POLR1A: variants seen among roughly 807,000 people sequenced by gnomAD.
The protein encoded by POLR1A is DNA-directed RNA polymerase I subunit RPA1.
In POLR1A, 84 loss-of-function variants were observed where a neutral mutation model predicts 205.3. That is an observed-to-expected ratio of 0.41 (90% CI 0.34 to 0.49). POLR1A has a LOEUF of 0.49. Among genes scored for constraint, POLR1A ranks in the 20% least tolerant of loss-of-function variants. The probability of loss-of-function intolerance (pLI) is 0.22; values close to 1 mark genes in which losing one functional copy is unlikely to be tolerated. For synonymous variants in POLR1A, 799 were observed against 863.7 expected (o/e 0.93, Z 1.31); for missense variants, 1,645 against 2,204.5 (o/e 0.75, Z 5.08).
Position 86,027,530 on chromosome 2 carries a change from G to C in POLR1A, c.5063-7C>G. 1 of 1,611,726 alleles carries C rather than the reference G, an allele frequency of 6.2e-7. No individual in the cohort carries two copies. On this transcript the variant is annotated splice_region_variant and splice_polypyrimidine_tract_variant and intron_variant, in intron 33 of 33. Transcript: ENST00000263857. Reference sequence around the variant, plus strand: ...CTCAGCTCATCGTGGGATCCTGACAGAGACACAAAAACATGTGTCAGGGTG... The same window carrying C: ...CTCAGCTCATCGTGGGATCCTGACACAGACACAAAAACATGTGTCAGGGTG...
rs138700815 is a variant in POLR1A at position 86,078,092 on chromosome 2, G to A, written c.1257+22C>T. The A allele has an allele frequency of 4.2e-5, 67 of 1,612,700 alleles. No homozygotes were observed. In the African/African-American group the frequency reaches 7.9e-4, roughly 19 times the overall value. ...TTATTTATCTTCTGTAGCTAGCAAT[G>A]GGAATCCAGTTTTTTGCTCACCTGC... On this transcript the variant is annotated intron_variant, in intron 10 of 33. Coordinates refer to ENST00000263857, the MANE Select transcript of POLR1A (RefSeq NM_015425.6).
chr2:86,094,420 T>A (rs79857088), intron 3 of POLR1A, among the ~76,000 whole-genome samples: 2,001 of 152,318 alleles, frequency 0.013, 18 homozygotes, highest in Non-Finnish European at 0.022. Context: ...CCTTTGGACA[T>A]GTCCAATCGT....
At position 86,083,150 on chromosome 2, in the gene POLR1A, A is replaced by T; in HGVS notation, c.749T>A (p.Ile250Lys). 6.2e-7 allele frequency: 1 copy of T among 1,613,666 alleles called. No homozygotes were observed. The highest frequency in any genetic ancestry group is 8.5e-7 in the Non-Finnish European group (1 of 1,179,600). Reference protein sequence around the residue: ...SEPLGIEEAQIGKRGYLTPTS... With the variant: ...SEPLGIEEAQKGKRGYLTPTS... ...GGGTGTTAAGTATCCTCGTTTTCCT[A>T]TCTGAGCTTCCTCAATTCCTGGAGC... is the stretch of plus-strand genomic sequence containing the variant. The change falls in exon 7 of 34, where the codon ATA becomes AAA. Residue 250 changes from isoleucine (I) to lysine (K), a missense_variant. Around this residue, in one of 16 missense-constraint regions of POLR1A, gnomAD observed 330 missense variants for 375.6 expected, o/e 0.88. Transcript: ENST00000263857.
intron 3 of POLR1A, among the ~76,000 whole-genome samples, chr2:86,098,082 T>C (rs1673740255): frequency 6.6e-6 from 1 of 152,112 alleles, no homozygotes; most frequent in Non-Finnish European, 1.5e-5. Context: ...GCATTACCAA[T>C]AGGTGAACAA....
intron 6 of POLR1A, among the ~76,000 whole-genome samples, chr2:86,085,995 C>G (rs1026414345): frequency 6.6e-6 from 1 of 152,076 alleles, no homozygotes; most frequent in Non-Finnish European, 1.5e-5. Flanking sequence ...TGTGGCATTT[C>G]ACAAGCTGAC....
intron 3 of POLR1A, among the ~76,000 whole-genome samples, chr2:86,090,751 T>C (rs10199620): frequency 9.2e-5 from 14 of 152,340 alleles, no homozygotes; most frequent in Non-Finnish European, 1.8e-4. Flanking sequence ...GAACTTTTTA[T>C]TCACAAACTC....
rs766740054 is a variant in POLR1A at position 86,045,662 on chromosome 2, A to G, written c.2841T>C (p.Ala947=). The change falls in exon 20 of 34, where the codon GCT becomes GCC. Residue 947 remains alanine (A), a synonymous_variant. Coordinates refer to ENST00000263857, the MANE Select transcript of POLR1A (RefSeq NM_015425.6). ...CFEPYEFTPR[A]GGFVTGRFLT... ...GGAACCTGCCAGTGACAAAGCCACC[A>G]GCCCTGGGGGTGAACTCATAAGGCT... 6.2e-7 allele frequency: 1 copy of G among 1,614,066 alleles called. No individual in the cohort carries two copies.
chr2:86,070,310 C>T lies in POLR1A; in HGVS notation c.1612-38G>A, dbSNP rs192552817. ...TGGACAGGTGGGTGATCAGTGCAAA[C>T]GTCAGTATCACCACGGCTCTTTCCA... On this transcript the variant is annotated intron_variant, in intron 12 of 33. Transcript: ENST00000263857. This position sits in a 1 kb window ranked among gnomAD's most constrained non-coding sequence, Gnocchi z 4.4. 1.2e-3 allele frequency: 1,833 copies of T among 1,562,834 alleles called. 17 individuals carry two copies. Among genetic ancestry groups the T allele is most frequent in the East Asian group, 9.4e-3 (416 of 44,208 alleles).
At chr2:86,104,620 G>A (rs1673886117) in intron 1 of POLR1A, among the ~76,000 whole-genome samples, 1 of 152,030 alleles carries the variant, frequency 6.6e-6, no homozygotes, top group African/African-American at 2.4e-5. Context: ...GCTAATTTTT[G>A]TATTTTTAGT....
At chr2:86,059,252 G>T (rs1289924080) in intron 14 of POLR1A, among the ~76,000 whole-genome samples, 2 of 152,218 alleles carry the variant, frequency 1.3e-5, no homozygotes, top group African/African-American at 4.8e-5. Flanking sequence ...CATAGCCTAT[G>T]AAAACATTTA....
chr2:86,045,035 T>C (rs1370992270), intron 21 of POLR1A, among the ~76,000 whole-genome samples: 1 of 152,182 alleles, frequency 6.6e-6, no homozygotes, highest in Non-Finnish European at 1.5e-5. Context: ...CAGCCATAGC[T>C]TCCCCCAGGG....
In POLR1A at chr2:86,070,856, G is replaced by A. The variant is rs566571214; in HGVS notation, c.1612-584C>T. On this transcript the variant is annotated intron_variant, in intron 12 of 33. Transcript: ENST00000263857. This position sits in a 1 kb window ranked among gnomAD's most constrained non-coding sequence, Gnocchi z 4.4. ...TATTGCACTTCAAAAATTAAGAGCT[G>A]TAAATTGTCATAGTCTTTTGGGAAC... is the stretch of plus-strand genomic sequence containing the variant. Among the ~76,000 whole-genome samples the A allele has an allele frequency of 4.0e-4, 61 of 152,176 alleles. No homozygotes were observed. The highest frequency in any genetic ancestry group is 1.4e-3 in the African/African-American group (59 of 41,526).
intron 16 of POLR1A, 133 bp downstream of exon 16, chr2:86,052,684 A>T: frequency 1.5e-6 from 1 of 665,960 alleles, no homozygotes. Flanking sequence ...ACCTGGAAAG[A>T]CTTCTCCACT....
At chr2:86,034,291 G>A (rs570446088) in intron 27 of POLR1A, among the ~76,000 whole-genome samples, 4 of 152,258 alleles carry the variant, frequency 2.6e-5, no homozygotes, top group African/African-American at 4.8e-5. Flanking sequence ...CCCACAACCT[G>A]CAGCATCTCC....
chr2:86,057,292 G>GA (rs1260794246), intron 14 of POLR1A, among the ~76,000 whole-genome samples: 1 of 151,658 alleles, frequency 6.6e-6, no homozygotes, highest in African/African-American at 2.4e-5. Context: ...ATCTATAAAG[G>GA]AAAAAAAAGA....
chr2:86,034,121 GATGAGAAACAACCCT>G (rs2104382989), intron 27 of POLR1A, among the ~76,000 whole-genome samples: 1 of 152,354 alleles, frequency 6.6e-6, no homozygotes, highest in East Asian at 1.9e-4. Flanking sequence ...GTTTGCTAAT[GATGAGAAACAACCCT>G]ATGTCTGATT....
At chr2:86,067,800 T>C (rs1051057916) in intron 13 of POLR1A, among the ~76,000 whole-genome samples, 1 of 152,196 alleles carries the variant, frequency 6.6e-6, no homozygotes, top group African/African-American at 2.4e-5. Context: ...TTAGCAAATA[T>C]AAGGATTCCA....
At chr2:86,103,593 C>G (rs149174651) in intron 1 of POLR1A, among the ~76,000 whole-genome samples, 1 of 152,140 alleles carries the variant, frequency 6.6e-6, no homozygotes, top group Non-Finnish European at 1.5e-5. Context: ...AAATCGTATC[C>G]ACTTATGGCA....
At position 86,028,015 on chromosome 2, in the gene POLR1A, A is replaced by T. The variant is rs370369540; in HGVS notation, c.4932T>A (p.Val1644=). 6 of 1,614,124 alleles carry T rather than the reference A, an allele frequency of 3.7e-6. No individual in the cohort carries two copies. In the African/African-American group the frequency reaches 8.0e-5, roughly 22 times the overall value. ...CACCCTCGAAGCACATATAATCAGC[A>T]ACCAGGGAGAGATGGCGAGGGTCGA... ...IAVDPRHLSL[V]ADYMCFEGVY... Residue 1644 remains valine, a synonymous_variant, in exon 33 of 34, where the codon GTT becomes GTA. Transcript: ENST00000263857. The surrounding 1 kb of genome is among the most constrained non-coding windows in gnomAD (Gnocchi z 4.5).
Sources: gnomAD v4.1 joint callset for allele counts (sites outside exome capture counted in the v4.1 genomes callset) on GRCh38, gnomAD v4.1.1 for gene constraint, gnomAD v4.1.1 regional missense constraint, Gnocchi (gnomAD v3.1) non-coding constraint, MANE v1.5 for transcripts, NCBI Gene and HGNC (gene_info 2026-07-23, HGNC 2026-07-21) for gene names.